Variants in AKAP8L observed in about 807,000 individuals in gnomAD.
The protein encoded by AKAP8L is A-kinase anchoring protein 8 like, also known as A-kinase anchor protein 8-like.
A neutral mutation model predicts 77.5 loss-of-function variants in AKAP8L; 34 were observed. The observed-to-expected ratio is 0.44, with a 90% CI of 0.33 to 0.58. The LOEUF (loss-of-function observed/expected upper bound fraction) is 0.58. Ranked by LOEUF, AKAP8L falls within the 20% of genes least tolerant of loss-of-function variation. The pLI, the probability that AKAP8L is intolerant of heterozygous loss-of-function variation, is 0.02. For missense variants in AKAP8L, 806 were observed against 887.6 expected (o/e 0.91, Z 1.17); for synonymous variants, 342 against 340.7 (o/e 1.00, Z -0.04).
chr19:15,418,383 C>T (rs1968252017), intron 1 of AKAP8L, among the ~76,000 whole-genome samples: 1 of 150,022 alleles, frequency 6.7e-6, no homozygotes, highest in African/African-American at 2.4e-5. Flanking sequence ...CAAACCCTTC[C>T]AATATTTACT....
intron 1 of AKAP8L, among the ~76,000 whole-genome samples, chr19:15,412,582 A>G (rs1968125759): frequency 1.3e-5 from 2 of 152,106 alleles, no homozygotes; most frequent in Admixed American, 1.3e-4. Flanking sequence ...GGAGTCTCGC[A>G]CTAGGTTGGA....
At chr19:15,406,866 G>C (rs1044766434) in intron 2 of AKAP8L, among the ~76,000 whole-genome samples, 22 of 152,168 alleles carry the variant, frequency 1.4e-4, no homozygotes, top group Non-Finnish European at 2.9e-5. Flanking sequence ...TAACGTAATA[G>C]TTAATCAGAT....
At chr19:15,417,908 G>A (rs372507710) in intron 1 of AKAP8L, among the ~76,000 whole-genome samples, 45 of 152,162 alleles carry the variant, frequency 3.0e-4, no homozygotes, top group African/African-American at 1.0e-3. Flanking sequence ...ATTTACAGTC[G>A]CCCAAGCATA....
intron 2 of AKAP8L, among the ~76,000 whole-genome samples, chr19:15,408,603 G>T (rs931537303): frequency 6.6e-6 from 1 of 150,570 alleles, no homozygotes; most frequent in Non-Finnish European, 1.5e-5. Flanking sequence ...AAAGAAAGAG[G>T]CCGGGCGCGG....
intron 1 of AKAP8L, among the ~76,000 whole-genome samples, chr19:15,417,896 T>C (rs929175025): frequency 2.6e-5 from 4 of 152,200 alleles, no homozygotes; most frequent in Non-Finnish European, 5.9e-5. Flanking sequence ...CACCCAGTGA[T>C]GATTTACAGT....
intron 1 of AKAP8L, among the ~76,000 whole-genome samples, chr19:15,415,669 A>G (rs138518449): frequency 0.021 from 3,207 of 152,082 alleles, 92 homozygotes; most frequent in African/African-American, 0.069. Flanking sequence ...GGCGGATCAC[A>G]AGGTCAGGAG....
chr19:15,391,663 C>T (rs1967665332), intron 12 of AKAP8L, among the ~76,000 whole-genome samples: 1 of 150,764 alleles, frequency 6.6e-6, no homozygotes, highest in Admixed American at 6.6e-5. Flanking sequence ...CTCAGCCTCC[C>T]AAGTAGCTGG....
At position 15,403,589 on chromosome 19, in the gene AKAP8L, G is replaced by A. The variant is rs1967941575; in HGVS notation, c.248C>T (p.Ser83Leu). Residue 83 changes from serine (S) to leucine (L), a missense_variant, in exon 4 of 14, where the codon TCG (serine) becomes TTG (leucine). Around this residue, in one of 2 missense-constraint regions of AKAP8L, gnomAD observed 580 missense variants for 694.1 expected, o/e 0.84. Transcript: ENST00000397410. The surrounding 1 kb of genome is among the most constrained non-coding windows in gnomAD (Gnocchi z 4.3). ...AACGGAATCGGCACTGGCGCTACCC[G>A]AGGCACTAGTGTTTGCATTTGTGTC... ...SSDTNANTSA[S>L]GSASADSVLS... 12 of 1,613,950 alleles carry A rather than the reference G, an allele frequency of 7.4e-6. No individual in the cohort carries two copies. Among genetic ancestry groups the A allele is most frequent in the Non-Finnish European group, 9.3e-6 (11 of 1,179,890 alleles).
chr19:15,387,189 G>A (rs138755394), intron 12 of AKAP8L, among the ~76,000 whole-genome samples: 1 of 152,220 alleles, frequency 6.6e-6, no homozygotes, highest in African/African-American at 2.4e-5. Context: ...GGAGGCTACA[G>A]CCTACTGTAC....
At chr19:15,389,265 G>A (rs1967609259) in intron 12 of AKAP8L, among the ~76,000 whole-genome samples, 1 of 150,444 alleles carries the variant, frequency 6.6e-6, no homozygotes, top group South Asian at 2.1e-4. Context: ...TAGTGAACTT[G>A]TGTATCAAAA....
intron 12 of AKAP8L, among the ~76,000 whole-genome samples, chr19:15,384,321 C>T (rs1159758824): frequency 2.4e-5 from 3 of 125,294 alleles, no homozygotes; most frequent in South Asian, 2.5e-4. Context: ...TTTTTTGAGA[C>T]GGAGTTTTGC....
Position 15,403,927 on chromosome 19 carries a change from C to T in AKAP8L, c.121+83G>A. 1 of 1,551,436 alleles carries T rather than the reference C, an allele frequency of 6.4e-7. No individual in the cohort carries two copies. On this transcript the variant is annotated intron_variant, in intron 3 of 13. Transcript: ENST00000397410. This position sits in a 1 kb window ranked among gnomAD's most constrained non-coding sequence, Gnocchi z 4.3. ...AACATGCCCCCTCCCCACTCCCAAC[C>T]TTGGCCAAGCAGGGCAGTGGCAGAG...
At chr19:15,389,224 CAAAAAAAAAA>C (rs1967607244) in intron 12 of AKAP8L, among the ~76,000 whole-genome samples, 1 of 44,194 alleles carries the variant, frequency 2.3e-5, no homozygotes, top group African/African-American at 8.9e-5. Flanking sequence ...GACTCCATCA[CAAAAAAAAAA>C]GAAAAAAAAA....
rs556930853 is a variant in AKAP8L, at chr19:15,405,093, C to T, written c.89-1051G>A. ...AGCACAGGGAACAGAGGCTTGCAGT[C>T]CCAGGCACTGCTCAGGCATGGAGAT... On this transcript the variant is annotated intron_variant, in intron 2 of 13. Coordinates refer to ENST00000397410, the MANE Select transcript of AKAP8L (RefSeq NM_014371.4). 2.0e-5 allele frequency among the ~76,000 whole-genome samples: 3 copies of T among 152,336 alleles called. No individual in the cohort carries two copies. In the East Asian group the frequency reaches 5.8e-4, roughly 29 times the overall value.
chr19:15,408,204 G>A (rs7256980), intron 2 of AKAP8L, among the ~76,000 whole-genome samples: 120,923 of 152,084 alleles, frequency 0.8, 48,323 homozygotes, highest in East Asian at 0.99. Flanking sequence ...GAGAGTCCAA[G>A]AGTCCAGAAA....
intron 12 of AKAP8L, chr19:15,383,823 G>A (rs1157044706): frequency 6.6e-6 from 1 of 151,572 alleles, no homozygotes; most frequent in Non-Finnish European, 1.5e-5. Flanking sequence ...GACTAGAAAT[G>A]TGCTGTCTAT....
intron 2 of AKAP8L, among the ~76,000 whole-genome samples, chr19:15,410,148 G>A (rs1968080223): frequency 6.6e-6 from 1 of 152,032 alleles, no homozygotes; most frequent in African/African-American, 2.4e-5. Flanking sequence ...TCACCATGTT[G>A]GCCAGGATGG....
intron 12 of AKAP8L, among the ~76,000 whole-genome samples, chr19:15,396,594 C>T (rs1967781573): frequency 6.6e-6 from 1 of 152,212 alleles, no homozygotes; most frequent in Non-Finnish European, 1.5e-5. Context: ...CTGATCACTC[C>T]CACATGCCAG....
intron 1 of AKAP8L, among the ~76,000 whole-genome samples, chr19:15,411,870 A>G (rs1242651655): frequency 6.6e-6 from 1 of 152,162 alleles, no homozygotes; most frequent in Admixed American, 6.5e-5. Flanking sequence ...CCTGGCCAAC[A>G]TGGTGAAACC....
Sources: gnomAD v4.1 joint callset for allele counts (sites outside exome capture counted in the v4.1 genomes callset) on GRCh38, gnomAD v4.1.1 for gene constraint, gnomAD v4.1.1 regional missense constraint, Gnocchi (gnomAD v3.1) non-coding constraint, MANE v1.5 for transcripts, NCBI Gene and HGNC (gene_info 2026-07-23, HGNC 2026-07-21) for gene names.